TDRP: variants seen among roughly 807,000 people sequenced by gnomAD.
TDRP encodes testis development-related protein.
In TDRP, 12 loss-of-function variants were observed where a neutral mutation model predicts 10.5. That is an observed-to-expected ratio of 1.15 (90% CI 0.73 to 1.86). The LOEUF is 1.86. Ranked by LOEUF, TDRP falls within the 40% of genes most tolerant of loss-of-function variation. TDRP has a pLI of 0.00. For synonymous variants in TDRP, 139 were observed against 95.4 expected (o/e 1.46, Z -2.67); for missense variants, 353 against 229.2 (o/e 1.54, Z -3.49).
intron 1 of TDRP, among the ~76,000 whole-genome samples, chr8:514,317 T>C (rs138540879): frequency 1.6e-4 from 24 of 152,296 alleles, no homozygotes; most frequent in Middle Eastern, 3.4e-3. Flanking sequence ...ATAAGGTCAA[T>C]TGATTTTCAA....
intron 1 of TDRP, among the ~76,000 whole-genome samples, chr8:506,076 C>T (rs542607264): frequency 2.0e-5 from 3 of 152,194 alleles, no homozygotes; most frequent in African/African-American, 7.2e-5. Context: ...TTTCCACTGC[C>T]ACAAAGACAG....
At chr8:499,006 T>G (rs1801213020) in intron 1 of TDRP, among the ~76,000 whole-genome samples, 1 of 152,178 alleles carries the variant, frequency 6.6e-6, no homozygotes, top group Non-Finnish European at 1.5e-5. Flanking sequence ...TTAAACCTCT[T>G]TTCTTTATAA....
In TDRP at chr8:491,588, A is replaced by G; in HGVS notation, c.*811T>C. 1.3e-6 allele frequency: 2 copies of G among 1,505,500 alleles called. No homozygotes were observed. The highest frequency in any genetic ancestry group is 1.8e-6 in the Non-Finnish European group (2 of 1,136,376). 93.3% of individuals were successfully genotyped at this position (1,505,500 alleles called of 1,614,324 possible). ...AGAGGCACTTCAGTATTTTATGCAC[A>G]GTCTTAACTCTCTATAATGAGCAAG... On this transcript the variant is annotated 3_prime_UTR_variant, in exon 3 of 3. Coordinates refer to ENST00000324079, the MANE Select transcript of TDRP (RefSeq NM_001384899.1).
chr8:495,042 G>C (rs1178583567), intron 1 of TDRP: 1 of 155,238 alleles, frequency 6.4e-6, no homozygotes. Context: ...CACCAGCCTG[G>C]GGAACAAAGT....
intron 1 of TDRP, among the ~76,000 whole-genome samples, chr8:515,253 A>G (rs1801727082): frequency 6.6e-6 from 1 of 152,190 alleles, no homozygotes; most frequent in African/African-American, 2.4e-5. Flanking sequence ...ATGACTTTGT[A>G]ACTGCTCACT....
chr8:490,101 A>G lies in TDRP; in HGVS notation c.*2298T>C, dbSNP rs1267489928. The G allele has an allele frequency of 2.6e-5, 4 of 152,242 alleles. No homozygotes were observed. The highest frequency in any genetic ancestry group is 5.9e-5 in the Non-Finnish European group (4 of 68,048). 9.4% of individuals were successfully genotyped at this position (152,242 alleles called of 1,614,324 possible). A position where few individuals can be genotyped will look rare whatever the true frequency, so the allele number is the denominator to read the frequency against. ...CACAAGGAAGCTGTGTGTTTACACA[A>G]TTCAAACACCCAGAATCAAAACCAC... On this transcript the variant is annotated 3_prime_UTR_variant, in exon 3 of 3. Transcript: ENST00000324079.
At position 492,331 on chromosome 8, in the gene TDRP, A is replaced by G. The variant is rs1801000880; in HGVS notation, c.*68T>C. On this transcript the variant is annotated 3_prime_UTR_variant, in exon 3 of 3. Transcript: ENST00000324079. ...CTCTATTCTTTCTAACGCGGAAAAGACTCAACAACTACATGGTATACTCAT... is the reference window on the plus strand; with the variant it reads ...CTCTATTCTTTCTAACGCGGAAAAGGCTCAACAACTACATGGTATACTCAT... The G allele has an allele frequency of 7.2e-7, 1 of 1,395,690 alleles. No individual in the cohort carries two copies. The highest frequency in any genetic ancestry group is 9.3e-7 in the Non-Finnish European group (1 of 1,071,036). 86.5% of individuals were successfully genotyped at this position (1,395,690 alleles called of 1,614,324 possible).
At chr8:494,360 G>A (rs1385264615) in intron 2 of TDRP, 134 bp downstream of exon 2, 2 of 733,046 alleles carry the variant, frequency 2.7e-6, no homozygotes, top group Non-Finnish European at 4.5e-6. Flanking sequence ...GAGTGGGGAG[G>A]GAAACATGGA....
At chr8:494,649 T>C in intron 1 of TDRP, 52 bp from the exon 2 acceptor site, 1 of 1,507,258 alleles carries the variant, frequency 6.6e-7, no homozygotes, top group Non-Finnish European at 9.2e-7. Context: ...ATCAACAGAA[T>C]TCCGCTTTCT....
intron 1 of TDRP, among the ~76,000 whole-genome samples, chr8:529,985 C>A (rs1435255741): frequency 6.6e-6 from 1 of 152,078 alleles, no homozygotes; most frequent in Non-Finnish European, 1.5e-5. Context: ...CCCTTTTCTC[C>A]TTTTGGGACT....
At chr8:508,363 T>A (rs1304917842) in intron 1 of TDRP, among the ~76,000 whole-genome samples, 2 of 152,162 alleles carry the variant, frequency 1.3e-5, no homozygotes, top group African/African-American at 4.8e-5. Context: ...TGCCCAAGAC[T>A]GGGTAATTTA....
intron 1 of TDRP, among the ~76,000 whole-genome samples, chr8:507,721 T>G (rs1801504607): frequency 6.6e-6 from 1 of 151,902 alleles, no homozygotes; most frequent in Non-Finnish European, 1.5e-5. Context: ...AAGAGGCAAA[T>G]AACAACAGCA....
intron 1 of TDRP, among the ~76,000 whole-genome samples, chr8:507,935 T>C (rs1801509341): frequency 6.6e-6 from 1 of 152,094 alleles, no homozygotes; most frequent in African/African-American, 2.4e-5. Flanking sequence ...AAATAAAATA[T>C]ATAAAGTGTC....
intron 1 of TDRP, among the ~76,000 whole-genome samples, chr8:502,069 T>C (rs1801320032): frequency 6.6e-6 from 1 of 152,218 alleles, no homozygotes; most frequent in South Asian, 2.1e-4. Context: ...CGCCATTGGC[T>C]ACCACCTCCC....
At chr8:494,704 G>A in intron 1 of TDRP, 107 bp from the exon 2 acceptor site, 2 of 953,718 alleles carry the variant, frequency 2.1e-6, no homozygotes, top group South Asian at 3.0e-5. Context: ...AGAATTGGCA[G>A]AGCTTACATC....
intron 1 of TDRP, among the ~76,000 whole-genome samples, chr8:501,347 CT>C (rs1690969362): frequency 6.6e-6 from 1 of 151,948 alleles, no homozygotes; most frequent in African/African-American, 2.4e-5. Context: ...TGGTATACTT[CT>C]TTTGTTTTGT....
At chr8:523,111 C>T (rs1192185656) in intron 1 of TDRP, among the ~76,000 whole-genome samples, 1 of 152,192 alleles carries the variant, frequency 6.6e-6, no homozygotes, top group Non-Finnish European at 1.5e-5. Context: ...TCCTCTCTTG[C>T]TGACTTCCTT....
chr8:503,802 C>T (rs545825894), intron 1 of TDRP, among the ~76,000 whole-genome samples: 5 of 143,762 alleles, frequency 3.5e-5, no homozygotes, highest in Non-Finnish European at 8.0e-5. Flanking sequence ...ATGCCCACCT[C>T]AGCACGCGTC....
At chr8:518,044 T>G (rs1237486584) in intron 1 of TDRP, among the ~76,000 whole-genome samples, 3 of 152,202 alleles carry the variant, frequency 2.0e-5, no homozygotes, top group Non-Finnish European at 4.4e-5. Context: ...GGTGGACACG[T>G]GCCACCGTAC....
Sources: gnomAD v4.1 joint callset for allele counts (sites outside exome capture counted in the v4.1 genomes callset) on GRCh38, gnomAD v4.1.1 for gene constraint, MANE v1.5 for transcripts, NCBI Gene and HGNC (gene_info 2026-07-23, HGNC 2026-07-21) for gene names.